The following EDEM2 variants were observed in gnomAD, a reference collection of about 807,000 sequenced individuals.
EDEM2 encodes the protein ER degradation-enhancing alpha-mannosidase-like protein 2.
In EDEM2, 39 loss-of-function variants were observed where a neutral mutation model predicts 64.8. The observed-to-expected ratio is 0.60, with a 90% confidence interval of 0.47 to 0.79. The LOEUF is 0.79. Ranked by LOEUF, EDEM2 falls within the 30% of genes least tolerant of loss-of-function variation. EDEM2 has a pLI of 0.00. For synonymous variants in EDEM2, 296 were observed against 291.5 expected (o/e 1.02, Z -0.16); for missense variants, 609 against 731.3 (o/e 0.83, Z 1.93).
At chr20:35,130,473 T>G (rs1057477583) in intron 7 of EDEM2, among the ~76,000 whole-genome samples, 22 of 152,204 alleles carry the variant, frequency 1.4e-4, no homozygotes, top group Non-Finnish European at 2.6e-4. Context: ...GTTATGTGAA[T>G]TTGTCTTTTT....
chr20:35,124,903 A>G (rs1217888284), intron 8 of EDEM2, among the ~76,000 whole-genome samples: 1 of 152,190 alleles, frequency 6.6e-6, no homozygotes, highest in Non-Finnish European at 1.5e-5. Flanking sequence ...ATAGATGTAA[A>G]ATGTTATGTG....
intron 9 of EDEM2, 72 bp from the exon 10 acceptor site, chr20:35,118,791 G>A (rs1055218193): frequency 1.3e-6 from 2 of 1,587,364 alleles, no homozygotes; most frequent in Non-Finnish European, 1.7e-6. Context: ...TTAGGGCCGT[G>A]AGGGACTACT....
intron 10 of EDEM2, among the ~76,000 whole-genome samples, chr20:35,116,139 T>G (rs554850183): frequency 3.3e-5 from 5 of 152,294 alleles, no homozygotes; most frequent in African/African-American, 1.2e-4. Context: ...GGCTCCCAGC[T>G]TCCAATCTTA....
At chr20:35,129,398 C>A (rs576099614) in intron 7 of EDEM2, among the ~76,000 whole-genome samples, 3 of 151,064 alleles carry the variant, frequency 2.0e-5, no homozygotes, top group African/African-American at 7.3e-5. Flanking sequence ...CAGAGTGAGA[C>A]TCTGTCTTTA....
At chr20:35,123,803 T>A in intron 9 of EDEM2, 87 bp downstream of exon 9, 2 of 1,485,058 alleles carry the variant, frequency 1.3e-6, no homozygotes, top group Non-Finnish European at 1.8e-6. Flanking sequence ...TTGTGGGCAG[T>A]TGTGGAGGAT....
At chr20:35,124,716 T>C (rs113883909) in intron 8 of EDEM2, among the ~76,000 whole-genome samples, 1 of 152,196 alleles carries the variant, frequency 6.6e-6, no homozygotes, top group Non-Finnish European at 1.5e-5. Context: ...AGTTTCTTTA[T>C]GCATGAGTAT....
chr20:35,134,471 G>A (rs560018614), intron 6 of EDEM2, among the ~76,000 whole-genome samples: 27 of 152,246 alleles, frequency 1.8e-4, no homozygotes, highest in Admixed American at 1.2e-3. Flanking sequence ...TGAAACATAC[G>A]ACCCTCTTCC....
chr20:35,136,147 G>A (rs1443410977), intron 5 of EDEM2, among the ~76,000 whole-genome samples: 1 of 152,224 alleles, frequency 6.6e-6, no homozygotes, highest in Non-Finnish European at 1.5e-5. Context: ...AGGCACCAGC[G>A]GGAGAGCAAG....
At chr20:35,135,100 A>C in intron 5 of EDEM2, 151 bp from the exon 6 acceptor site, 1 of 803,400 alleles carries the variant, frequency 1.2e-6, no homozygotes, top group South Asian at 1.7e-5. Flanking sequence ...AAATGTCATA[A>C]CTGGAGGGCC....
At position 35,144,984 on chromosome 20, in the gene EDEM2, A is replaced by T; in HGVS notation, c.253T>A (p.Leu85Met). The T allele has an allele frequency of 6.2e-7, 1 of 1,614,122 alleles. No homozygotes were observed. The highest frequency in any genetic ancestry group is 1.3e-5 in the African/African-American group (1 of 75,070). ...SLTLIDALDT[L>M]LILGNVSEFQ... Reference sequence around the variant, plus strand: ...GAAACAGACGAGATACTTACCAGCAAGGTGTCCAGTGCATCAATTAGAGTC... The same window carrying T: ...GAAACAGACGAGATACTTACCAGCATGGTGTCCAGTGCATCAATTAGAGTC... The change falls in exon 3 of 11, where the codon TTG (leucine) becomes ATG (methionine). Residue 85 changes from leucine (L) to methionine (M), a missense_variant. Transcript: ENST00000374492.
rs761849481 is a variant in EDEM2, at chr20:35,123,883, T to C, written c.1114+7A>G. 1.2e-6 allele frequency: 2 copies of C among 1,613,332 alleles called. No individual in the cohort carries two copies. The highest frequency in any genetic ancestry group is 8.5e-7 in the Non-Finnish European group (1 of 1,179,704). On this transcript the variant is annotated splice_region_variant and intron_variant, in intron 9 of 10. Coordinates refer to ENST00000374492, the MANE Select transcript of EDEM2 (RefSeq NM_018217.3). ...TGGGCAGATGACAAGCCAGAAATGC[T>C]GCTCACCTGGCCGAAGTGGGTAGCC... is the stretch of plus-strand genomic sequence containing the variant.
intron 7 of EDEM2, among the ~76,000 whole-genome samples, chr20:35,130,316 C>T (rs1429988418): frequency 1.3e-5 from 2 of 152,102 alleles, no homozygotes; most frequent in Admixed American, 6.6e-5. Context: ...GCAATTCTCT[C>T]GCCTCAGCTT....
At chr20:35,133,307 G>T (rs1175945293) in intron 6 of EDEM2, among the ~76,000 whole-genome samples, 3 of 152,062 alleles carry the variant, frequency 2.0e-5, no homozygotes, top group African/African-American at 7.2e-5. Context: ...AGGCAAAGAG[G>T]CGCAGGTGAT....
chr20:35,141,965 C>G (rs1177984488), intron 4 of EDEM2, among the ~76,000 whole-genome samples: 1 of 152,172 alleles, frequency 6.6e-6, no homozygotes, highest in Non-Finnish European at 1.5e-5. Context: ...TGCTCAATAG[C>G]TCATGTGGTT....
intron 6 of EDEM2, among the ~76,000 whole-genome samples, chr20:35,133,687 G>A (rs959204079): frequency 4.6e-5 from 7 of 151,966 alleles, no homozygotes; most frequent in South Asian, 2.1e-4. Flanking sequence ...GGCTGGTCTC[G>A]AACTCCCAAT....
At chr20:35,120,723 G>C (rs2085358484) in intron 9 of EDEM2, among the ~76,000 whole-genome samples, 2 of 151,082 alleles carry the variant, frequency 1.3e-5, no homozygotes, top group South Asian at 4.2e-4. Context: ...TCAGCCTCCT[G>C]AGTAGCTGGG....
At chr20:35,119,690 T>G (rs1005093489) in intron 9 of EDEM2, among the ~76,000 whole-genome samples, 1 of 152,084 alleles carries the variant, frequency 6.6e-6, no homozygotes, top group African/African-American at 2.4e-5. Flanking sequence ...CCAGAAAAAG[T>G]GATGTTTTGT....
chr20:35,128,392 T>C lies in EDEM2; in HGVS notation c.845-2017A>G, dbSNP rs181979175. 9.2e-4 allele frequency among the ~76,000 whole-genome samples: 123 copies of C among 133,224 alleles called. 5 individuals carry two copies. The highest frequency in any genetic ancestry group is 3.5e-3 in the African/African-American group (118 of 34,102). The allele number at this position is 133,224 out of a possible 152,430, so 87.4% of individuals were successfully genotyped here. On this transcript the variant is annotated intron_variant, in intron 7 of 10. Transcript: ENST00000374492. ...AGCAAGACTCTGTCTCCAAAAAAAA[T>C]AAAAACAAAAACAAAAATTAGCTGG...
At chr20:35,146,560 T>G (rs1298412263) in intron 2 of EDEM2, among the ~76,000 whole-genome samples, 1 of 152,226 alleles carries the variant, frequency 6.6e-6, no homozygotes, top group Non-Finnish European at 1.5e-5. Flanking sequence ...AAATTGCCTA[T>G]GTCCCCACAG....
Sources: allele counts gnomAD v4.1 joint callset (sites outside exome capture counted in the v4.1 genomes callset), GRCh38; gene constraint gnomAD v4.1.1; transcripts MANE v1.5; gene names NCBI Gene and HGNC (gene_info 2026-07-23, HGNC 2026-07-21).